Variants in UGT1A3 observed in about 807,000 individuals in gnomAD.
The protein encoded by UGT1A3 is UDP-glucuronosyltransferase 1A3.
Under a neutral mutation model 41.0 loss-of-function variants are expected in UGT1A3, and 31 were observed. The ratio of observed to expected loss-of-function variants is 0.76; its 90% CI spans 0.57 to 1.02. The LOEUF (loss-of-function observed/expected upper bound fraction) is 1.02. Among genes scored for constraint, UGT1A3 ranks in the 50% least tolerant of loss-of-function variants. The pLI, the probability that UGT1A3 is intolerant of heterozygous loss-of-function variation, is 0.00. For missense variants in UGT1A3, 737 were observed against 671.0 expected (o/e 1.10, Z -1.09); for synonymous variants, 262 against 257.6 (o/e 1.02, Z -0.17).
chr2:233,752,764 A>C (rs1695055831), intron 1 of UGT1A3, among the ~76,000 whole-genome samples: 1 of 152,262 alleles, frequency 6.6e-6, no homozygotes, highest in Non-Finnish European at 1.5e-5. Flanking sequence ...CAAACAAACA[A>C]ACAAACAATA....
Position 233,729,144 on chromosome 2 carries a change from G to C in UGT1A3, c.18G>C (p.Gln6His). Reference protein sequence around the residue: MATGLQVPLPWLATGL... With the variant: MATGLHVPLPWLATGL... ...CTGCTGAGATGGCCACAGGACTCCAGGTTCCCCTGCCGTGGCTGGCCACAG... is the reference window on the plus strand; with the variant it reads ...CTGCTGAGATGGCCACAGGACTCCACGTTCCCCTGCCGTGGCTGGCCACAG... The change falls in exon 1 of 5, where the codon CAG becomes CAC. Residue 6 changes from glutamine to histidine, a missense_variant. Coordinates refer to ENST00000482026, the MANE Select transcript of UGT1A3 (RefSeq NM_019093.4). 6.2e-7 allele frequency: 1 copy of C among 1,613,472 alleles called. No homozygotes were observed. Among genetic ancestry groups the C allele is most frequent in the Non-Finnish European group, 8.5e-7 (1 of 1,179,920 alleles).
At chr2:233,746,424 C>T (rs1693388244) in intron 1 of UGT1A3, among the ~76,000 whole-genome samples, 1 of 151,702 alleles carries the variant, frequency 6.6e-6, no homozygotes, top group South Asian at 2.1e-4. Context: ...GACCTATTAA[C>T]TTATGTCTTC....
intron 1 of UGT1A3, among the ~76,000 whole-genome samples, chr2:233,738,788 G>T (rs1333447117): frequency 6.6e-6 from 1 of 152,238 alleles, no homozygotes; most frequent in Admixed American, 6.5e-5. Flanking sequence ...ATTCAAGCCA[G>T]ATGCAGAAAT....
intron 1 of UGT1A3, among the ~76,000 whole-genome samples, chr2:233,764,017 G>T (rs3771342): frequency 0.13 from 19,852 of 152,188 alleles, 1,421 homozygotes; most frequent in East Asian, 0.2. Flanking sequence ...GACCCACATG[G>T]TGTCTAAGTG....
chr2:233,760,579 A>G (rs2125986282), intron 1 of UGT1A3: 1 of 1,614,220 alleles, frequency 6.2e-7, no homozygotes, highest in South Asian at 1.1e-5. Context: ...TCTCGGGCAT[A>G]ATGTTTTTGA....
Position 233,772,251 on chromosome 2 carries a change from T to C in UGT1A3, c.1308-11T>C, listed in dbSNP as rs1700493926. On this transcript the variant is annotated splice_polypyrimidine_tract_variant and intron_variant, in intron 4 of 4. Coordinates refer to ENST00000482026, the MANE Select transcript of UGT1A3 (RefSeq NM_019093.4). ...GTGTTCCAGGCATAACGAAACTGTCTTTGTGTTTAGTTACAAGGAGAACAT... is the reference window on the plus strand; with the variant it reads ...GTGTTCCAGGCATAACGAAACTGTCCTTGTGTTTAGTTACAAGGAGAACAT... The C allele has an allele frequency of 2.5e-6, 4 of 1,614,250 alleles. No homozygotes were observed. The East Asian group carries it at 8.9e-5, about 36-fold the overall frequency.
rs1204549030 is a variant in UGT1A3 at position 233,729,263 on chromosome 2, A to C, written c.137A>C (p.Glu46Ala). 7 of 1,614,084 alleles carry C rather than the reference A, an allele frequency of 4.3e-6. No homozygotes were observed. ...GGCAGCCACTGGCTCAGCATGCGGG[A>C]GGTCTTGCGGGAGCTCCATGCCAGA... ...IDGSHWLSMR[E>A]VLRELHARGH... Residue 46 changes from glutamate (E) to alanine (A), a missense_variant, in exon 1 of 5, where the codon GAG (glutamate) becomes GCG (alanine). Physicochemically the swap from Glu to Ala is moderately radical, Grantham distance 107. Coordinates refer to ENST00000482026, the MANE Select transcript of UGT1A3 (RefSeq NM_019093.4).
At chr2:233,763,355 T>C (rs1340050072) in intron 1 of UGT1A3, among the ~76,000 whole-genome samples, 1 of 152,264 alleles carries the variant, frequency 6.6e-6, no homozygotes, top group Non-Finnish European at 1.5e-5. Context: ...ACATCTTTAG[T>C]ACTCCTTTGT....
intron 1 of UGT1A3, chr2:233,747,824 C>T (rs1693787782): frequency 6.2e-7 from 1 of 1,613,430 alleles, no homozygotes; most frequent in Admixed American, 1.7e-5. Context: ...ATTCAGACCA[C>T]ATGACATTCC....
At chr2:233,743,449 G>A in intron 1 of UGT1A3, 2 of 1,365,064 alleles carry the variant, frequency 1.5e-6, no homozygotes, top group African/African-American at 3.0e-5. Context: ...TGTATCAAAA[G>A]AAGAAAAAAC....
At chr2:233,768,516 G>A (rs188739654) in intron 4 of UGT1A3, 77 bp downstream of exon 4, 153 of 1,549,320 alleles carry the variant, frequency 9.9e-5, no homozygotes, top group Non-Finnish European at 1.2e-4. Context: ...AAACATTTAC[G>A]TAGCATTTAA....
chr2:233,743,530 C>G (rs781463146), intron 1 of UGT1A3: 8 of 1,367,244 alleles, frequency 5.9e-6, no homozygotes, highest in East Asian at 4.6e-5. Context: ...GCTTCCCCAG[C>G]AGTTCCTCTG....
At chr2:233,765,745 A>T in intron 1 of UGT1A3, among the ~76,000 whole-genome samples, 1 of 151,724 alleles carries the variant, frequency 6.6e-6, no homozygotes, top group East Asian at 1.9e-4. Flanking sequence ...AAACCCATAA[A>T]GCCATTTGAG....
At chr2:233,772,118 A>G (rs186997429) in intron 4 of UGT1A3, 144 bp from the exon 5 acceptor site, 177 of 1,520,864 alleles carry the variant, frequency 1.2e-4, no homozygotes, top group Non-Finnish European at 1.4e-4. Flanking sequence ...GTATCTAAAA[A>G]CAACAACAAC....
In UGT1A3 at chr2:233,767,853, T is replaced by C; in HGVS notation, c.1004T>C (p.Leu335Pro). 1.2e-6 allele frequency: 2 copies of C among 1,614,210 alleles called. No individual in the cohort carries two copies. The highest frequency in any genetic ancestry group is 1.1e-5 in the South Asian group (1 of 91,084). Residue 335 changes from leucine (L) to proline (P), a missense_variant, in exon 3 of 5, where the codon CTG becomes CCG. By Grantham distance (98) the Leu-to-Pro change is moderately conservative. Transcript: ENST00000482026. The part of the protein sequence containing the change: ...DALGKIPQTV[L>P]WRYTGTRPSN... ...TGCTCTTTTTGCCCCTCCCAGGTCC[T>C]GTGGCGGTACACTGGAACCCGACCA...
intron 1 of UGT1A3, among the ~76,000 whole-genome samples, chr2:233,742,351 C>G (rs1691948026): frequency 6.6e-6 from 1 of 151,962 alleles, no homozygotes; most frequent in South Asian, 2.1e-4. Flanking sequence ...GGCTAATTAT[C>G]TGCAGCAGAA....
chr2:233,772,304 C>G lies in UGT1A3; in HGVS notation c.1350C>G (p.Asp450Glu), dbSNP rs1165346261. The change falls in exon 5 of 5, where the codon GAC becomes GAG. Residue 450 changes from aspartate to glutamate, a missense_variant. Transcript: ENST00000482026. The part of the protein sequence containing the change: ...NIMRLSSLHK[D>E]RPVEPLDLAV... ...TGCGCCTCTCCAGCCTTCACAAGGA[C>G]CGCCCGGTGGAGCCGCTGGACCTGG... The G allele has an allele frequency of 6.2e-7, 1 of 1,614,230 alleles. No homozygotes were observed. The highest frequency in any genetic ancestry group is 2.2e-5 in the East Asian group (1 of 44,884).
chr2:233,761,067 T>A, intron 1 of UGT1A3: 1 of 1,614,228 alleles, frequency 6.2e-7, no homozygotes, highest in Non-Finnish European at 8.5e-7. Context: ...GAAGTGACTT[T>A]GTGAAGGATT....
chr2:233,760,773 G>A, intron 1 of UGT1A3: 1 of 1,613,944 alleles, frequency 6.2e-7, no homozygotes, highest in Non-Finnish European at 8.5e-7. Flanking sequence ...TCGTGGCCCA[G>A]TACCTGTCTC....
Sources: gnomAD v4.1 joint callset for allele counts (sites outside exome capture counted in the v4.1 genomes callset) on GRCh38, gnomAD v4.1.1 for gene constraint, MANE v1.5 for transcripts, NCBI Gene and HGNC (gene_info 2026-07-23, HGNC 2026-07-21) for gene names.